Variants in SEL1L3 observed in about 807,000 individuals in gnomAD.
SEL1L3 encodes SEL1L family member 3.
In SEL1L3, 76 loss-of-function variants were observed where a neutral mutation model predicts 142.8. The ratio of observed to expected loss-of-function variants is 0.53; its 90% CI spans 0.44 to 0.64. SEL1L3 has a LOEUF of 0.64. Among genes scored for constraint, SEL1L3 ranks in the 30% least tolerant of loss-of-function variants. SEL1L3 has a pLI of 0.00. For synonymous variants in SEL1L3, 504 were observed against 519.6 expected (o/e 0.97, Z 0.41); for missense variants, 1,262 against 1,381.7 (o/e 0.91, Z 1.37).
At chr4:25,849,485 C>T (rs1485287157) in intron 1 of SEL1L3, among the ~76,000 whole-genome samples, 1 of 152,046 alleles carries the variant, frequency 6.6e-6, no homozygotes, top group African/African-American at 2.4e-5. Flanking sequence ...TAGTCAAACT[C>T]ACAGAGACAG....
At chr4:25,793,183 C>T (rs927958073) in intron 11 of SEL1L3, among the ~76,000 whole-genome samples, 1 of 152,170 alleles carries the variant, frequency 6.6e-6, no homozygotes, top group South Asian at 2.1e-4. Flanking sequence ...AAATCCAAGC[C>T]GGCTGGTTGT....
chr4:25,750,654 G>T (rs1347479300), intron 23 of SEL1L3, among the ~76,000 whole-genome samples: 3 of 152,166 alleles, frequency 2.0e-5, no homozygotes, highest in Non-Finnish European at 4.4e-5. Flanking sequence ...AATGAGACAG[G>T]ACAGAGTACA....
rs1200525762 is a variant in SEL1L3, at chr4:25,776,356, C to T, written c.2590G>A (p.Ala864Thr). The change falls in exon 17 of 24, where the codon GCA becomes ACA. Residue 864 changes from alanine (A) to threonine (T), a missense_variant. Physicochemically the swap from Ala to Thr is moderately conservative, Grantham distance 58. Coordinates refer to ENST00000399878, the MANE Select transcript of SEL1L3 (RefSeq NM_015187.5). ...CCATTTTTCTCAGCTACATGTTTTGCCCATCTGAAAAAAAAAAGGGAAGAG... is the reference window on the plus strand; with the variant it reads ...CCATTTTTCTCAGCTACATGTTTTGTCCATCTGAAAAAAAAAAGGGAAGAG... ...PRDPEKAVVW[A>T]KHVAEKNGYL... The T allele has an allele frequency of 1.2e-6, 2 of 1,608,452 alleles. No homozygotes were observed. Among genetic ancestry groups the T allele is most frequent in the Admixed American group, 1.7e-5 (1 of 59,614 alleles).
rs115473001 is a variant in SEL1L3, at chr4:25,774,208, C to T, written c.2669+2069G>A. ...AGAGGAAAAAGCCAGCGCAAGGGCT[C>T]AGAGATCAGATAGAATATGGGCCAC... is the stretch of plus-strand genomic sequence containing the variant. On this transcript the variant is annotated intron_variant, in intron 17 of 23. Transcript: ENST00000399878. Among the ~76,000 whole-genome samples the T allele has an allele frequency of 4.2e-3, 647 of 152,266 alleles. 5 individuals are homozygous for T. Among genetic ancestry groups the T allele is most frequent in the African/African-American group, 0.015 (610 of 41,538 alleles).
the SEL1L3 span, among the ~76,000 whole-genome samples, chr4:25,715,500 T>C: frequency 6.6e-6 from 1 of 152,094 alleles, no homozygotes; most frequent in Non-Finnish European, 1.5e-5. Context: ...ACAACCCCTA[T>C]GGTGGAAATT....
chr4:25,746,931 C>T (rs139480866), downstream of SEL1L3, among the ~76,000 whole-genome samples: 243 of 152,066 alleles, frequency 1.6e-3, no homozygotes, highest in African/African-American at 5.4e-3. Context: ...ATAAAAATCC[C>T]AAGAGGTAGT....
chr4:25,794,324 C>T (rs1014862318), intron 11 of SEL1L3, among the ~76,000 whole-genome samples: 10 of 151,864 alleles, frequency 6.6e-5, no homozygotes, highest in Non-Finnish European at 1.2e-4. Context: ...AACAAATTTA[C>T]AAGAAAAAAA....
intron 11 of SEL1L3, among the ~76,000 whole-genome samples, chr4:25,791,013 T>A (rs1712297353): frequency 6.6e-6 from 1 of 152,234 alleles, no homozygotes; most frequent in South Asian, 2.1e-4. Context: ...TTTGTTCCTA[T>A]CAAAGTATTT....
chr4:25,806,552 C>G (rs944755918), intron 9 of SEL1L3, among the ~76,000 whole-genome samples: 1 of 152,050 alleles, frequency 6.6e-6, no homozygotes, highest in Non-Finnish European at 1.5e-5. Context: ...TGTCAATGAG[C>G]GGGAACTGGT....
chr4:25,773,307 G>A (rs1023314693), intron 17 of SEL1L3: 1 of 152,082 alleles, frequency 6.6e-6, no homozygotes, highest in African/African-American at 2.4e-5. Context: ...GGGTACTGGG[G>A]GTAGGATGGG....
the SEL1L3 span, among the ~76,000 whole-genome samples, chr4:25,729,237 T>C: frequency 0.17 from 25,317 of 152,222 alleles, 2,958 homozygotes; most frequent in African/African-American, 0.34. Context: ...GGCTGGTCTA[T>C]GGAAGCTGTG....
At chr4:25,736,365 A>G in the SEL1L3 span, among the ~76,000 whole-genome samples, 1 of 151,770 alleles carries the variant, frequency 6.6e-6, no homozygotes, top group Non-Finnish European at 1.5e-5. Context: ...GTGGGATTAC[A>G]GCGGCTCACC....
the SEL1L3 span, among the ~76,000 whole-genome samples, chr4:25,742,022 G>C: frequency 6.6e-6 from 1 of 151,656 alleles, no homozygotes; most frequent in Non-Finnish European, 1.5e-5. Flanking sequence ...ATGTTGGCCA[G>C]GCTGGTCTCG....
chr4:25,805,098 A>G (rs1713464196), intron 9 of SEL1L3, among the ~76,000 whole-genome samples: 1 of 152,348 alleles, frequency 6.6e-6, no homozygotes, highest in Non-Finnish European at 1.5e-5. Flanking sequence ...TCCCCCTCTA[A>G]GACTCCCTAA....
intron 16 of SEL1L3, among the ~76,000 whole-genome samples, chr4:25,778,723 T>C (rs1719803397): frequency 6.6e-6 from 1 of 151,758 alleles, no homozygotes; most frequent in Admixed American, 6.6e-5. Flanking sequence ...CGGATGAAAA[T>C]ACCAAGAAAT....
In SEL1L3 at chr4:25,828,870, C is replaced by T. The variant is rs956657264; in HGVS notation, c.1157+1228G>A. On this transcript the variant is annotated intron_variant, in intron 6 of 23. Coordinates refer to ENST00000399878, the MANE Select transcript of SEL1L3 (RefSeq NM_015187.5). ...GCCTGCTGCAGTGAAATAACAGACT[C>T]GAAGAATAAAACACTCCTCATCCCA... 2.0e-5 allele frequency among the ~76,000 whole-genome samples: 3 copies of T among 152,144 alleles called. No homozygotes were observed. The East Asian group carries it at 5.8e-4, about 29-fold the overall frequency.
At chr4:25,754,002 T>C (rs1392289023) in intron 23 of SEL1L3, among the ~76,000 whole-genome samples, 1 of 142,430 alleles carries the variant, frequency 7.0e-6, no homozygotes, top group Non-Finnish European at 1.5e-5. Flanking sequence ...AATAAATAAA[T>C]AAATAAATAA....
chr4:25,789,366 G>C (rs1397371566), intron 12 of SEL1L3, among the ~76,000 whole-genome samples: 1 of 152,034 alleles, frequency 6.6e-6, no homozygotes, highest in African/African-American at 2.4e-5. Flanking sequence ...AATTGCTTGA[G>C]GCCAGGAGTT....
At chr4:25,753,511 G>A (rs1242584302) in intron 23 of SEL1L3, among the ~76,000 whole-genome samples, 1 of 152,216 alleles carries the variant, frequency 6.6e-6, no homozygotes, top group South Asian at 2.1e-4. Context: ...TCCCCCAGCT[G>A]TGGGGCAGGT....
Sources: allele counts gnomAD v4.1 joint callset (sites outside exome capture counted in the v4.1 genomes callset), GRCh38; gene constraint gnomAD v4.1.1; transcripts MANE v1.5; gene names NCBI Gene and HGNC (gene_info 2026-07-23, HGNC 2026-07-21).